The following HIPK2 variants were observed in gnomAD, a reference collection of about 807,000 sequenced individuals.
The protein encoded by HIPK2 is homeodomain-interacting protein kinase 2.
HIPK2 carries 27 observed loss-of-function variants against 113.7 expected under a neutral mutation model. That is an observed-to-expected ratio of 0.24 (90% CI 0.17 to 0.33). HIPK2 has a LOEUF of 0.33. Ranked by LOEUF, HIPK2 falls within the 10% of genes least tolerant of loss-of-function variation. HIPK2 has a pLI of 1.00. For synonymous variants in HIPK2, 631 were observed against 642.2 expected (o/e 0.98, Z 0.26); for missense variants, 1,257 against 1,588.0 (o/e 0.79, Z 3.54).
intron 2 of HIPK2, among the ~76,000 whole-genome samples, chr7:139,655,776 G>C (rs1228779454): frequency 3.9e-5 from 6 of 152,126 alleles, no homozygotes; most frequent in African/African-American, 7.2e-5. Flanking sequence ...TAAAGGAAGG[G>C]CACACTCTTG....
chr7:139,642,564 G>A (rs1801062898), intron 2 of HIPK2, among the ~76,000 whole-genome samples: 1 of 152,228 alleles, frequency 6.6e-6, no homozygotes, highest in Non-Finnish European at 1.5e-5. Context: ...TGCCTAGGGG[G>A]ATCCAGAAGG....
chr7:139,660,768 A>G (rs936721104), intron 2 of HIPK2, among the ~76,000 whole-genome samples: 1 of 152,228 alleles, frequency 6.6e-6, no homozygotes, highest in Admixed American at 6.5e-5. Flanking sequence ...CGTAACAAGG[A>G]AAGAATTATT....
intron 12 of HIPK2, among the ~76,000 whole-genome samples, chr7:139,594,485 T>C (rs1471592404): frequency 6.6e-6 from 1 of 152,166 alleles, no homozygotes; most frequent in African/African-American, 2.4e-5. Flanking sequence ...CAAAATGTAG[T>C]CACAATAATG....
intron 12 of HIPK2, among the ~76,000 whole-genome samples, chr7:139,588,430 T>C (rs1354261074): frequency 1.3e-5 from 2 of 150,308 alleles, no homozygotes; most frequent in African/African-American, 4.9e-5. Flanking sequence ...GGTGGGAGAA[T>C]TGCTTGAACC....
intron 2 of HIPK2, among the ~76,000 whole-genome samples, chr7:139,656,236 A>G (rs1380769878): frequency 6.6e-6 from 1 of 151,890 alleles, no homozygotes; most frequent in Non-Finnish European, 1.5e-5. Flanking sequence ...CCATATTCTC[A>G]TTGACTTAAG....
intron 12 of HIPK2, 141 bp downstream of exon 12, chr7:139,596,576 G>C (rs1337602308): frequency 2.7e-6 from 3 of 1,094,304 alleles, no homozygotes; most frequent in Non-Finnish European, 3.9e-6. Flanking sequence ...AATAACTTTA[G>C]GACCACAGTA....
intron 7 of HIPK2, among the ~76,000 whole-genome samples, chr7:139,619,483 T>A (rs904155737): frequency 6.6e-6 from 1 of 152,200 alleles, no homozygotes; most frequent in Non-Finnish European, 1.5e-5. Flanking sequence ...TCAAGCAGTA[T>A]GTTAGCTGCT....
chr7:139,577,903 C>T (rs957529140), intron 13 of HIPK2, among the ~76,000 whole-genome samples: 13 of 151,504 alleles, frequency 8.6e-5, no homozygotes, highest in East Asian at 2.0e-4. Context: ...CAGGCTGGAG[C>T]GCAGTGGTGT....
At chr7:139,768,550 A>T (rs557946824) in intron 1 of HIPK2, among the ~76,000 whole-genome samples, 1 of 152,104 alleles carries the variant, frequency 6.6e-6, no homozygotes, top group South Asian at 2.1e-4. Context: ...TGTTGTTGTT[A>T]TTAAGTAGCT....
intron 1 of HIPK2, among the ~76,000 whole-genome samples, chr7:139,729,176 T>A (rs1795686821): frequency 6.6e-6 from 1 of 151,928 alleles, no homozygotes; most frequent in African/African-American, 2.4e-5. Context: ...ACAAAAAAAA[T>A]TAGCCAGGTG....
chr7:139,678,938 T>C (rs1802603742), intron 2 of HIPK2, among the ~76,000 whole-genome samples: 1 of 152,208 alleles, frequency 6.6e-6, no homozygotes, highest in South Asian at 2.1e-4. Flanking sequence ...GACTGGGAGT[T>C]CACTCATGAT....
At chr7:139,600,295 G>A (rs1220296524) in intron 11 of HIPK2, 122 bp downstream of exon 11, 8 of 1,133,504 alleles carry the variant, frequency 7.1e-6, no homozygotes, top group Admixed American at 5.4e-5. Context: ...AGGAAGAGGA[G>A]TGCCCCCATC....
intron 1 of HIPK2, among the ~76,000 whole-genome samples, chr7:139,733,217 A>T (rs1465647302): frequency 6.6e-6 from 1 of 151,860 alleles, no homozygotes; most frequent in Non-Finnish European, 1.5e-5. Context: ...AGCCAATTAA[A>T]CCTCTTTTCT....
intron 2 of HIPK2, among the ~76,000 whole-genome samples, chr7:139,685,655 A>C (rs888740390): frequency 7.2e-5 from 11 of 152,244 alleles, no homozygotes; most frequent in Non-Finnish European, 1.5e-4. Context: ...GAAAATCCTA[A>C]GGTCCTTAAG....
In HIPK2 at chr7:139,573,266, A is replaced by G; in HGVS notation, c.3258T>C (p.His1086=). The G allele has an allele frequency of 6.2e-7, 1 of 1,604,560 alleles. No individual in the cohort carries two copies. Residue 1086 remains histidine (H), a synonymous_variant, in exon 15 of 15, where the codon CAT becomes CAC. Transcript: ENST00000406875. ...GGGCAGCGGCAGCGGCTGCAGCCAG[A>G]TGCGGGTGCACAGTGCCGTGGCTGG... ...NSPSHGTVHP[H]LAAAAAAAHL...
intron 2 of HIPK2, among the ~76,000 whole-genome samples, chr7:139,662,839 G>T (rs566754540): frequency 6.6e-6 from 1 of 152,040 alleles, no homozygotes; most frequent in Non-Finnish European, 1.5e-5. Context: ...GGCTGGTCTC[G>T]AACTCCTGAC....
At chr7:139,751,530 A>G (rs1796277255) in intron 1 of HIPK2, among the ~76,000 whole-genome samples, 1 of 109,450 alleles carries the variant, frequency 9.1e-6, no homozygotes, top group African/African-American at 4.0e-5. Context: ...TTGATGAATG[A>G]TTTGGAGGGA....
chr7:139,681,841 G>A (rs1802711909), intron 2 of HIPK2, among the ~76,000 whole-genome samples: 1 of 152,148 alleles, frequency 6.6e-6, no homozygotes, highest in Non-Finnish European at 1.5e-5. Flanking sequence ...TCTCTGAGCT[G>A]GAATCTTCCT....
At chr7:139,727,819 C>T (rs1023775550) in intron 1 of HIPK2, among the ~76,000 whole-genome samples, 4 of 152,030 alleles carry the variant, frequency 2.6e-5, no homozygotes, top group African/African-American at 9.7e-5. Context: ...CTGAAGCAAA[C>T]ACTGATAAGA....
Sources: allele counts gnomAD v4.1 joint callset (sites outside exome capture counted in the v4.1 genomes callset), GRCh38; gene constraint gnomAD v4.1.1; transcripts MANE v1.5; gene names NCBI Gene and HGNC (gene_info 2026-07-23, HGNC 2026-07-21).